The following ACER1 variants were observed in gnomAD, a reference collection of about 807,000 sequenced individuals.
ACER1 encodes the protein CTB-180A7.3.
ACER1 carries 28 observed loss-of-function variants against 24.9 expected under a neutral mutation model. The ratio of observed to expected loss-of-function variants is 1.13; its 90% CI spans 0.83 to 1.54. ACER1 has a LOEUF of 1.54. ACER1 is among the 40% of genes most tolerant of loss of function. The probability of loss-of-function intolerance (pLI) is 0.00; values close to 1 mark genes in which losing one functional copy is unlikely to be tolerated. For synonymous variants in ACER1, 132 were observed against 131.4 expected (o/e 1.00, Z -0.03); for missense variants, 352 against 349.3 (o/e 1.01, Z -0.06).
At chr19:6,347,985 G>A in the ACER1 span, among the ~76,000 whole-genome samples, 3,876 of 150,870 alleles carry the variant, frequency 0.026, 60 homozygotes, top group Non-Finnish European at 0.04. Flanking sequence ...CTGAGGTTGG[G>A]AGTTTGAGAC....
chr19:6,332,520 G>T (rs1046963673), intron 1 of ACER1, among the ~76,000 whole-genome samples: 1 of 152,012 alleles, frequency 6.6e-6, no homozygotes, highest in African/African-American at 2.4e-5. Flanking sequence ...CGATCTTCCT[G>T]CCTCTGCGTT....
chr19:6,360,323 C>CCAGG, the ACER1 span: 1 of 151,916 alleles, frequency 6.6e-6, no homozygotes, highest in Admixed American at 6.6e-5. Flanking sequence ...AGGCCAAGAC[C>CCAGG]CAGGCTAAGT....
chr19:6,327,973 G>A (rs1032193568), intron 1 of ACER1, among the ~76,000 whole-genome samples: 6 of 151,880 alleles, frequency 4.0e-5, no homozygotes, highest in Non-Finnish European at 8.8e-5. Flanking sequence ...CTACTCGGGA[G>A]GTTGAGACAG....
chr19:6,324,484 G>A (rs904126073), intron 1 of ACER1, among the ~76,000 whole-genome samples: 4 of 151,658 alleles, frequency 2.6e-5, no homozygotes, highest in African/African-American at 7.2e-5. Flanking sequence ...TCTGCCAGGC[G>A]AGGTGGCTCA....
Position 6,312,347 on chromosome 19 carries a change from C to A in ACER1, c.208+38G>T, listed in dbSNP as rs531404087. The stretch of plus-strand genomic sequence containing the variant: ...TCCGCCACCTCCTAAACCCCCACTG[C>A]CTCCCGACTGTCACAGACCTGAACC... On this transcript the variant is annotated intron_variant, in intron 2 of 5. Coordinates refer to ENST00000301452, the MANE Select transcript of ACER1 (RefSeq NM_133492.3). The A allele has an allele frequency of 8.1e-5, 131 of 1,613,702 alleles. No individual in the cohort carries two copies. The East Asian group carries it at 2.9e-3, about 35-fold the overall frequency.
At position 6,307,305 on chromosome 19, in the gene ACER1, G is replaced by T; in HGVS notation, c.489-15C>A. The T allele has an allele frequency of 6.2e-7, 1 of 1,613,302 alleles. No individual in the cohort carries two copies. The highest frequency in any genetic ancestry group is 8.5e-7 in the Non-Finnish European group (1 of 1,179,870). Reference sequence around the variant, plus strand: ...TATTGCTGGTCCTAGAGAGGGGAGAGGGGGACCAGGGGCTGGCTCGGAGAG... The same window carrying T: ...TATTGCTGGTCCTAGAGAGGGGAGATGGGGACCAGGGGCTGGCTCGGAGAG... On this transcript the variant is annotated splice_polypyrimidine_tract_variant and intron_variant, in intron 4 of 5. Transcript: ENST00000301452.
chr19:6,317,757 T>G (rs933091168), intron 1 of ACER1, among the ~76,000 whole-genome samples: 1 of 152,116 alleles, frequency 6.6e-6, no homozygotes, highest in African/African-American at 2.4e-5. Flanking sequence ...TTTGTTTTTG[T>G]GTTTTTTTTC....
chr19:6,312,262 C>T lies in ACER1; in HGVS notation c.237G>A (p.Thr79=), dbSNP rs532266487. ...CCAGCAGCTGGCCCAGGAAGCTGAG[C>T]GTCATGTGGAAATACATGGAGAACA... The part of the protein sequence containing the change: ...IGLFSMYFHM[T]LSFLGQLLDE... The change falls in exon 3 of 6, where the codon ACG becomes ACA. Residue 79 remains threonine, a synonymous_variant. Transcript: ENST00000301452. 73 of 1,614,052 alleles carry T rather than the reference C, an allele frequency of 4.5e-5. No homozygotes were observed. The Admixed American group carries it at 5.8e-4, about 13-fold the overall frequency.
chr19:6,344,248 G>A, the ACER1 span, among the ~76,000 whole-genome samples: 3,111 of 151,700 alleles, frequency 0.021, 39 homozygotes, highest in Non-Finnish European at 0.031. Context: ...CAGCCTGGGC[G>A]ACAGAGCGAG....
At chr19:6,347,109 A>AAAAAATATATATAT in the ACER1 span, among the ~76,000 whole-genome samples, 77 of 113,754 alleles carry the variant, frequency 6.8e-4, no homozygotes, top group African/African-American at 3.8e-3. Context: ...AAAAAAAAAA[A>AAAAAATATATATAT]ATATATATAT....
chr19:6,309,863 G>T (rs780673560), intron 3 of ACER1, 29 bp from the exon 4 acceptor site: 2 of 1,612,832 alleles, frequency 1.2e-6, no homozygotes, highest in Admixed American at 1.7e-5. Context: ...AGCTGTAGGC[G>T]GGAAGGGAGG....
At chr19:6,335,932 C>G, upstream of ACER1, among the ~76,000 whole-genome samples, 1 of 142,452 alleles carries the variant, frequency 7.0e-6, no homozygotes, top group East Asian at 2.0e-4. Context: ...TAGAGTTTCA[C>G]TCTTGTCACC....
At chr19:6,345,304 A>T in the ACER1 span, among the ~76,000 whole-genome samples, 1 of 152,174 alleles carries the variant, frequency 6.6e-6, no homozygotes, top group African/African-American at 2.4e-5. Context: ...TAATGCAGCA[A>T]TCTGCAAGCT....
intron 1 of ACER1, among the ~76,000 whole-genome samples, chr19:6,322,827 TCAG>T (rs2091637712): frequency 1.3e-5 from 2 of 151,996 alleles, no homozygotes; most frequent in Admixed American, 6.6e-5. Flanking sequence ...AACAGGAGTT[TCAG>T]CCGGGCGTGG....
rs564075544 is a variant in ACER1, at chr19:6,332,186, C to T, written c.93+1273G>A. 2.3e-3 allele frequency among the ~76,000 whole-genome samples: 340 copies of T among 150,998 alleles called. 2 individuals carry two copies. Among genetic ancestry groups the T allele is most frequent in the African/African-American group, 7.6e-3 (314 of 41,116 alleles). ...TTCACCATGTTGGCCAGGCTGGTCT[C>T]GAACTCCTGACCTCAGGTGATCCAC... On this transcript the variant is annotated intron_variant, in intron 1 of 5. Coordinates refer to ENST00000301452, the MANE Select transcript of ACER1 (RefSeq NM_133492.3).
chr19:6,307,741 T>A (rs867310501), intron 4 of ACER1, among the ~76,000 whole-genome samples: 16 of 151,600 alleles, frequency 1.1e-4, no homozygotes, highest in South Asian at 4.2e-4. Flanking sequence ...CAGTGAGCCG[T>A]GATTGCGCCG....
upstream of ACER1, among the ~76,000 whole-genome samples, chr19:6,335,011 CAAT>C (rs1478836094): frequency 1.4e-5 from 2 of 142,864 alleles, no homozygotes; most frequent in African/African-American, 2.6e-5. Flanking sequence ...GTGTGCATAA[CAAT>C]AATAATATAA....
At chr19:6,337,202 G>A (rs2091717729), upstream of ACER1, among the ~76,000 whole-genome samples, 1 of 151,324 alleles carries the variant, frequency 6.6e-6, no homozygotes, top group Non-Finnish European at 1.5e-5. Context: ...TCACTGTGGT[G>A]TCTGAAAGTA....
chr19:6,343,005 G>A, the ACER1 span, among the ~76,000 whole-genome samples: 4 of 152,038 alleles, frequency 2.6e-5, no homozygotes, highest in South Asian at 2.1e-4. Context: ...TCGAACTCCC[G>A]ACCTCAGGTG....
Sources: gnomAD v4.1 joint callset for allele counts (sites outside exome capture counted in the v4.1 genomes callset) on GRCh38, gnomAD v4.1.1 for gene constraint, MANE v1.5 for transcripts, NCBI Gene and HGNC (gene_info 2026-07-23, HGNC 2026-07-21) for gene names.